Variants in PCDH1 observed in about 807,000 individuals in gnomAD.
PCDH1 encodes protocadherin-1.
Under a neutral mutation model 74.6 loss-of-function variants are expected in PCDH1, and 23 were observed. That is an observed-to-expected ratio of 0.31 (90% CI 0.22 to 0.44). The LOEUF (loss-of-function observed/expected upper bound fraction) is 0.44, where lower values mean the gene tolerates loss of function less well. Ranked by LOEUF, PCDH1 falls within the 20% of genes least tolerant of loss-of-function variation. The pLI is 1.00. For missense variants in PCDH1, 1,214 were observed against 1,641.4 expected, an observed-to-expected ratio of 0.74 and a Z score of 4.50; for synonymous variants, 647 against 686.1, an observed-to-expected ratio of 0.94 and a Z score of 0.89.
chr5:141,875,578 C>G (rs1297793851), intron 1 of PCDH1, among the ~76,000 whole-genome samples: 1 of 151,970 alleles, frequency 6.6e-6, no homozygotes, highest in Non-Finnish European at 1.5e-5. Flanking sequence ...ATCGCTTGCC[C>G]AGCTCCCCTG....
At position 141,865,798 on chromosome 5, in the gene PCDH1, C is replaced by G. The variant is rs1343792613; in HGVS notation, c.904-371G>C. 6.6e-6 allele frequency among the ~76,000 whole-genome samples: 1 copy of G among 152,214 alleles called. No individual in the cohort carries two copies. Among genetic ancestry groups the G allele is most frequent in the East Asian group, 1.9e-4 (1 of 5,192 alleles). Reference sequence around the variant, plus strand: ...TAGGGAAGCCATTTCACCAATGAACCCTGCCTGAACCCTCCTGAAGAGATG... The same window carrying G: ...TAGGGAAGCCATTTCACCAATGAACGCTGCCTGAACCCTCCTGAAGAGATG... On this transcript the variant is annotated intron_variant, in intron 2 of 4. Coordinates refer to ENST00000287008, the MANE Select transcript of PCDH1 (RefSeq NM_032420.5). The surrounding 1 kb of genome is among the most constrained non-coding windows in gnomAD (Gnocchi z 4.4).
At position 141,854,448 on chromosome 5, in the gene PCDH1, A is replaced by C; in HGVS notation, c.3320-12T>G. 6.3e-7 allele frequency: 1 copy of C among 1,587,862 alleles called. No homozygotes were observed. The highest frequency in any genetic ancestry group is 1.2e-5 in the South Asian group (1 of 86,508). On this transcript the variant is annotated splice_polypyrimidine_tract_variant and intron_variant, in intron 4 of 4. Coordinates refer to ENST00000287008, the MANE Select transcript of PCDH1 (RefSeq NM_032420.5). ...CAAAGGGCGAAGGTCTGTAGGAGGG[A>C]GCGGGGAAGGACAATTGTCAGACAT...
rs777821453 is a variant in PCDH1, at chr5:141,868,515, C to T, written c.903+54G>A. ...GGGAACTCTCACCTGGTTGGGTGGG[C>T]TCCCATTTCTAGTGGTGGGTCACCC... On this transcript the variant is annotated intron_variant, in intron 2 of 4. Transcript: ENST00000287008. This position sits in a 1 kb window ranked among gnomAD's most constrained non-coding sequence, Gnocchi z 4.8. 6 of 1,511,748 alleles carry T rather than the reference C, an allele frequency of 4.0e-6. No homozygotes were observed. In the African/African-American group the frequency reaches 8.4e-5, roughly 21 times the overall value. The allele number at this position is 1,511,748 out of a possible 1,614,324, so 93.6% of individuals were successfully genotyped here.
chr5:141,853,864 A>G lies in PCDH1; in HGVS notation c.*178T>C. The G allele has an allele frequency of 2.2e-6, 1 of 452,470 alleles. No individual in the cohort carries two copies. 28.0% of individuals were successfully genotyped at this position (452,470 alleles called of 1,614,324 possible). A position where few individuals can be genotyped will look rare whatever the true frequency, so the allele number is the denominator to read the frequency against. On this transcript the variant is annotated 3_prime_UTR_variant, in exon 5 of 5. Coordinates refer to ENST00000287008, the MANE Select transcript of PCDH1 (RefSeq NM_032420.5). ...GGGGCTGGGAGATGGAAATGAGGGG[A>G]GAGGACCTGGACCCTGCATGGGAGA...
intron 4 of PCDH1, chr5:141,856,122 G>A: frequency 8.9e-7 from 1 of 1,118,930 alleles, no homozygotes; most frequent in Non-Finnish European, 1.3e-6. Flanking sequence ...CAGAGTTGGG[G>A]GACGCAACAT....
rs776890162 is a variant in PCDH1 at position 141,869,102 on chromosome 5, G to T, written c.370C>A (p.Gln124Lys). ...SIDREGLREC[Q>K]NQLPGDPCIL... is the part of the protein sequence containing the mutation. ...CAGGGATCACCAGGGAGCTGGTTCT[G>T]GCATTCACGGAGCCCCTCACGGTCG... Residue 124 changes from glutamine (Q) to lysine (K), a missense_variant, in exon 2 of 5, where the codon CAG becomes AAG. This residue lies in a region of PCDH1 where 97 missense variants were observed against 173.2 expected (regional missense o/e 0.56). Coordinates refer to ENST00000287008, the MANE Select transcript of PCDH1 (RefSeq NM_032420.5). The surrounding 1 kb of genome is among the most constrained non-coding windows in gnomAD (Gnocchi z 4.9). 2 of 1,613,806 alleles carry T rather than the reference G, an allele frequency of 1.2e-6. No individual in the cohort carries two copies. Among genetic ancestry groups the T allele is most frequent in the South Asian group, 2.2e-5 (2 of 91,076 alleles).
rs141151266 is a variant in PCDH1, at chr5:141,864,784, G to A, written c.1547C>T (p.Pro516Leu). ...CACTTCACCAGGCTTGTTGTTTTCC[G>A]GGAAGGCGACCTCAGTGACACTCTG... ...FTQSVTEVAF[P>L]ENNKPGEVIA... Residue 516 changes from proline (P) to leucine (L), a missense_variant, in exon 3 of 5, where the codon CCG becomes CTG. By Grantham distance (98) the Pro-to-Leu change is moderately conservative. Transcript: ENST00000287008. The surrounding 1 kb of genome is among the most constrained non-coding windows in gnomAD (Gnocchi z 5.9). The A allele has an allele frequency of 5.8e-5, 94 of 1,613,918 alleles. No individual in the cohort carries two copies. The highest frequency in any genetic ancestry group is 7.1e-5 in the Non-Finnish European group (84 of 1,180,022).
At chr5:141,875,824 T>A (rs891096222) in intron 1 of PCDH1, among the ~76,000 whole-genome samples, 14 of 152,086 alleles carry the variant, frequency 9.2e-5, no homozygotes, top group East Asian at 7.7e-4. Context: ...AGTCTAGTTG[T>A]AATTACAGGT....
chr5:141,863,003 G>A lies in PCDH1; in HGVS notation c.3099+229C>T, dbSNP rs1422322215. 73 of 1,260,852 alleles carry A rather than the reference G, an allele frequency of 5.8e-5. No individual in the cohort carries two copies. The highest frequency in any genetic ancestry group is 6.8e-5 in the Non-Finnish European group (68 of 1,003,926). 78.1% of individuals were successfully genotyped at this position (1,260,852 alleles called of 1,614,324 possible). On this transcript the variant is annotated intron_variant, in intron 3 of 4. Coordinates refer to ENST00000287008, the MANE Select transcript of PCDH1 (RefSeq NM_032420.5). This position sits in a 1 kb window ranked among gnomAD's most constrained non-coding sequence, Gnocchi z 7.5. ...ATCACAGGTCTCTCCCCAGTGGGGA[G>A]AGGGCAGGGAGGAGACCACAGAGCA...
Position 141,869,493 on chromosome 5 carries a change from G to A in PCDH1, c.41-62C>T, listed in dbSNP as rs1459914013. 4 of 1,569,318 alleles carry A rather than the reference G, an allele frequency of 2.5e-6. No homozygotes were observed. The African/African-American group carries it at 4.0e-5, about 16-fold the overall frequency. Reference sequence around the variant, plus strand: ...GGGAAGAAAAGCCTGGCCCTGAGCTGCCCAGAGCTGGCCCCATACTCACCC... The same window carrying A: ...GGGAAGAAAAGCCTGGCCCTGAGCTACCCAGAGCTGGCCCCATACTCACCC... On this transcript the variant is annotated intron_variant, in intron 1 of 4. Transcript: ENST00000287008. The surrounding 1 kb of genome is among the most constrained non-coding windows in gnomAD (Gnocchi z 4.9).
In PCDH1 at chr5:141,865,462, G is replaced by C. The variant is rs1204793163; in HGVS notation, c.904-35C>G. 5 of 1,592,134 alleles carry C rather than the reference G, an allele frequency of 3.1e-6. No homozygotes were observed. The African/African-American group carries it at 5.4e-5, about 17-fold the overall frequency. On this transcript the variant is annotated intron_variant, in intron 2 of 4. Transcript: ENST00000287008. This position sits in a 1 kb window ranked among gnomAD's most constrained non-coding sequence, Gnocchi z 4.4. ...AGGAGAGAAAAACAAGGAGAACAGA[G>C]ATGGTTTAGATCAGGGATAGCAAAT... is the stretch of plus-strand genomic sequence containing the variant.
At position 141,865,527 on chromosome 5, in the gene PCDH1, A is replaced by G; in HGVS notation, c.904-100T>C. ...GCTGCCAATGTCCTTTCCAACAAGC[A>G]TGGCAGACACAGCCAATCCAACATC... On this transcript the variant is annotated intron_variant, in intron 2 of 4. Transcript: ENST00000287008. This position sits in a 1 kb window ranked among gnomAD's most constrained non-coding sequence, Gnocchi z 4.4. 7.5e-7 allele frequency: 1 copy of G among 1,337,470 alleles called. No homozygotes were observed. Among genetic ancestry groups the G allele is most frequent in the Non-Finnish European group, 1.0e-6 (1 of 970,916 alleles). 82.9% of individuals were successfully genotyped at this position (1,337,470 alleles called of 1,614,324 possible).
Position 141,868,536 on chromosome 5 carries a change from C to A in PCDH1, c.903+33G>T. 1 of 1,513,868 alleles carries A rather than the reference C, an allele frequency of 6.6e-7. No individual in the cohort carries two copies. The highest frequency in any genetic ancestry group is 8.8e-7 in the Non-Finnish European group (1 of 1,132,942). 93.8% of individuals were successfully genotyped at this position (1,513,868 alleles called of 1,614,324 possible). On this transcript the variant is annotated intron_variant, in intron 2 of 4. Transcript: ENST00000287008. This position sits in a 1 kb window ranked among gnomAD's most constrained non-coding sequence, Gnocchi z 4.8. Reference sequence around the variant, plus strand: ...TGGGCTCCCATTTCTAGTGGTGGGTCACCCTGACAGTTATACGGAGGGGGC... The same window carrying A: ...TGGGCTCCCATTTCTAGTGGTGGGTAACCCTGACAGTTATACGGAGGGGGC...
chr5:141,859,076 C>A (rs2126807626), intron 3 of PCDH1, among the ~76,000 whole-genome samples: 1 of 152,204 alleles, frequency 6.6e-6, no homozygotes, highest in African/African-American at 2.4e-5. Flanking sequence ...ACTGAAGGGT[C>A]TGGGTGATGA....
At chr5:141,871,705 G>A (rs551993328) in intron 1 of PCDH1, among the ~76,000 whole-genome samples, 5 of 152,334 alleles carry the variant, frequency 3.3e-5, no homozygotes, top group African/African-American at 1.2e-4. Flanking sequence ...CAGAAAGCAG[G>A]AGAGTTTCTA....
In PCDH1 at chr5:141,868,446, A is replaced by AG; in HGVS notation, c.903+122dup. ...ACTCCCCTGGCTGAGTTTGGGGAGA[A>AG]GGGGTCTCACTACAGTATTCTGGCA... On this transcript the variant is annotated intron_variant, in intron 2 of 4. Coordinates refer to ENST00000287008, the MANE Select transcript of PCDH1 (RefSeq NM_032420.5). The surrounding 1 kb of genome is among the most constrained non-coding windows in gnomAD (Gnocchi z 4.8). 2 of 1,441,766 alleles carry AG rather than the reference A, an allele frequency of 1.4e-6. No homozygotes were observed. Among genetic ancestry groups the AG allele is most frequent in the Non-Finnish European group, 1.8e-6 (2 of 1,100,738 alleles). The allele number at this position is 1,441,766 out of a possible 1,614,324, so 89.3% of individuals were successfully genotyped here.
Position 141,865,038 on chromosome 5 carries a change from G to C in PCDH1, c.1293C>G (p.Thr431=). The C allele has an allele frequency of 6.2e-7, 1 of 1,614,164 alleles. No individual in the cohort carries two copies. Among genetic ancestry groups the C allele is most frequent in the Non-Finnish European group, 8.5e-7 (1 of 1,180,024 alleles). ...DRDEGENAAV[T]CVVAGDVPFQ... ...AGGGCACATCACCTGCCACCACACA[G>C]GTGACAGCTGCATTCTCTCCCTCAT... The change falls in exon 3 of 5, where the codon ACC becomes ACG. Residue 431 remains threonine (T), a synonymous_variant. Transcript: ENST00000287008. The surrounding 1 kb of genome is among the most constrained non-coding windows in gnomAD (Gnocchi z 4.4).
In PCDH1 at chr5:141,864,816, G is replaced by A; in HGVS notation, c.1515C>T (p.Val505=). ...QVVDVNDNAP[V]FTQSVTEVAF... is the part of the protein sequence containing the mutation. ...CGACCTCAGTGACACTCTGAGTGAA[G>A]ACAGGTGCGTTGTCATTGACGTCCA... The change falls in exon 3 of 5, where the codon GTC becomes GTT. Residue 505 remains valine, a synonymous_variant. Coordinates refer to ENST00000287008, the MANE Select transcript of PCDH1 (RefSeq NM_032420.5). The surrounding 1 kb of genome is among the most constrained non-coding windows in gnomAD (Gnocchi z 5.9). The A allele has an allele frequency of 6.2e-7, 1 of 1,614,116 alleles. No individual in the cohort carries two copies. The highest frequency in any genetic ancestry group is 2.2e-5 in the East Asian group (1 of 44,864).
intron 2 of PCDH1, chr5:141,866,173 T>C (rs1752822116): frequency 1.0e-6 from 1 of 985,382 alleles, no homozygotes; most frequent in Admixed American, 6.1e-5. Context: ...GCCACCGCTC[T>C]GTCAAACCGG....
Sources: gnomAD v4.1 joint callset for allele counts (sites outside exome capture counted in the v4.1 genomes callset) on GRCh38, gnomAD v4.1.1 for gene constraint, gnomAD v4.1.1 regional missense constraint, Gnocchi (gnomAD v3.1) non-coding constraint, MANE v1.5 for transcripts, NCBI Gene and HGNC (gene_info 2026-07-23, HGNC 2026-07-21) for gene names.